Variants in MAPK8 observed in about 807,000 individuals in gnomAD.
MAPK8 encodes JUN N-terminal kinase.
Under a neutral mutation model 52.9 loss-of-function variants are expected in MAPK8, and 13 were observed. The ratio of observed to expected loss-of-function variants is 0.25; its 90% confidence interval spans 0.16 to 0.39. The LOEUF (loss-of-function observed/expected upper bound fraction) is 0.39. Ranked by LOEUF, MAPK8 falls within the 10% of genes least tolerant of loss-of-function variation. MAPK8 has a pLI of 1.00. For synonymous variants in MAPK8, 191 were observed against 169.8 expected (o/e 1.12, Z -0.97); for missense variants, 300 against 519.2 (o/e 0.58, Z 4.10).
chr10:48,335,885 A>G (rs998558538), intron 1 of MAPK8, among the ~76,000 whole-genome samples: 11 of 152,220 alleles, frequency 7.2e-5, no homozygotes, highest in African/African-American at 2.7e-4. Flanking sequence ...ATATTCTATT[A>G]TATTAAAATC....
intron 1 of MAPK8, among the ~76,000 whole-genome samples, chr10:48,367,629 G>T (rs1057331727): frequency 8.6e-5 from 13 of 152,034 alleles, no homozygotes; most frequent in African/African-American, 2.7e-4. Context: ...CACTTATGTT[G>T]AGTTGCTTTA....
intron 1 of MAPK8, among the ~76,000 whole-genome samples, chr10:48,349,509 C>G (rs555308279): frequency 6.6e-6 from 1 of 152,122 alleles, no homozygotes; most frequent in African/African-American, 2.4e-5. Flanking sequence ...ACAACTTGCT[C>G]CTGAATGACT....
intron 6 of MAPK8, 33 bp downstream of exon 6, chr10:48,420,353 T>C: frequency 6.5e-7 from 1 of 1,535,344 alleles, no homozygotes; most frequent in Non-Finnish European, 8.8e-7. Context: ...AATATTTTTC[T>C]GATTTAGCTT....
At chr10:48,312,585 A>G (rs1208643627) in intron 1 of MAPK8, among the ~76,000 whole-genome samples, 1 of 152,186 alleles carries the variant, frequency 6.6e-6, no homozygotes, top group African/African-American at 2.4e-5. Flanking sequence ...AAAAGTCATT[A>G]ATTGGGTAGA....
intron 2 of MAPK8, among the ~76,000 whole-genome samples, chr10:48,404,109 A>G (rs1467106627): frequency 6.7e-6 from 1 of 148,866 alleles, no homozygotes; most frequent in East Asian, 2.0e-4. Context: ...ATTGTGTCCA[A>G]AAGGATAGAA....
intron 1 of MAPK8, 123 bp from the exon 2 acceptor site, chr10:48,401,489 T>G: frequency 1.8e-6 from 1 of 559,278 alleles, no homozygotes; most frequent in Non-Finnish European, 3.1e-6. Flanking sequence ...TGTTTTTTAA[T>G]GAAGCAGCTC....
rs574703788 is a variant in MAPK8 at position 48,377,013 on chromosome 10, T to C, written c.-49-24599T>C. On this transcript the variant is annotated intron_variant, in intron 1 of 11. Transcript: ENST00000374189. ...CTGGATAAAGAGAATGTGGCACATATACATCATGGAATACTCCACAGCCAT... is the reference window on the plus strand; with the variant it reads ...CTGGATAAAGAGAATGTGGCACATACACATCATGGAATACTCCACAGCCAT... Among the ~76,000 whole-genome samples, 5 of 152,322 alleles carry C rather than the reference T, an allele frequency of 3.3e-5. No homozygotes were observed. In the South Asian group the frequency reaches 6.2e-4, roughly 19 times the overall value.
Position 48,435,727 on chromosome 10 carries a change from T to G in MAPK8, c.*698T>G, listed in dbSNP as rs141758313. 2.0e-5 allele frequency: 3 copies of G among 152,342 alleles called. No homozygotes were observed. The highest frequency in any genetic ancestry group is 7.2e-5 in the African/African-American group (3 of 41,576). The allele number at this position is 152,342 out of a possible 1,614,324, so 9.4% of individuals were successfully genotyped here. A position where few individuals can be genotyped will look rare whatever the true frequency, so the allele number is the denominator to read the frequency against. ...AGATGCTGGGCGTCTACCACCACCT[T>G]ATGTCCCCACCCTACCCAACAAAAA... On this transcript the variant is annotated 3_prime_UTR_variant, in exon 12 of 12. Transcript: ENST00000374189.
At chr10:48,417,195 C>T (rs747919818) in intron 5 of MAPK8, among the ~76,000 whole-genome samples, 3 of 152,176 alleles carry the variant, frequency 2.0e-5, no homozygotes, top group Admixed American at 1.3e-4. Context: ...GATCATAGAC[C>T]TTTGGCGTTA....
chr10:48,427,883 A>G (rs572669705), intron 10 of MAPK8, among the ~76,000 whole-genome samples: 8 of 152,134 alleles, frequency 5.3e-5, no homozygotes, highest in African/African-American at 1.7e-4. Context: ...TGAATATGTC[A>G]CACTTTATAT....
At chr10:48,415,379 A>C (rs562907070) in intron 5 of MAPK8, among the ~76,000 whole-genome samples, 5 of 152,324 alleles carry the variant, frequency 3.3e-5, no homozygotes, top group African/African-American at 1.2e-4. Flanking sequence ...TGGACCAGAA[A>C]AACAGACCAA....
intron 5 of MAPK8, among the ~76,000 whole-genome samples, chr10:48,413,838 T>G (rs2042904999): frequency 9.2e-6 from 1 of 108,316 alleles, no homozygotes; most frequent in Non-Finnish European, 1.9e-5. Flanking sequence ...TATATATATA[T>G]ATATATATAT....
chr10:48,340,904 A>G (rs1034288536), intron 1 of MAPK8, among the ~76,000 whole-genome samples: 1 of 152,126 alleles, frequency 6.6e-6, no homozygotes, highest in African/African-American at 2.4e-5. Context: ...AAGTTTCCAT[A>G]CTGTGTTTGG....
intron 2 of MAPK8, among the ~76,000 whole-genome samples, chr10:48,404,047 T>C (rs528122740): frequency 6.6e-6 from 1 of 151,740 alleles, no homozygotes; most frequent in South Asian, 2.1e-4. Context: ...CCTCCCAAAG[T>C]GCTGGGATTA....
At chr10:48,424,429 C>A (rs1254490515) in intron 7 of MAPK8, 4 of 847,788 alleles carry the variant, frequency 4.7e-6, no homozygotes, top group Non-Finnish European at 5.5e-6. Context: ...TTAAAGTATA[C>A]ATGGTGTGTG....
chr10:48,356,899 C>CAAAAAAAA (rs201368039), intron 1 of MAPK8, among the ~76,000 whole-genome samples: 27 of 47,238 alleles, frequency 5.7e-4, no homozygotes, highest in African/African-American at 1.9e-3. Context: ...CGTAGTTTAC[C>CAAAAAAAA]AAAAAAAAAA....
intron 1 of MAPK8, among the ~76,000 whole-genome samples, chr10:48,313,440 A>ACAACAACAACAACAACACCCAGAAATAAT (rs1263531476): frequency 2.0e-5 from 3 of 151,944 alleles, no homozygotes; most frequent in Non-Finnish European, 2.9e-5. Flanking sequence ...GTCTCAAAAA[A>ACAACAACAACAACAACACCCAGAAATAAT]CAACAACAAC....
Position 48,353,784 on chromosome 10 carries a change from G to C in MAPK8, c.-50+46963G>C, listed in dbSNP as rs567966266. 5.6e-4 allele frequency among the ~76,000 whole-genome samples: 86 copies of C among 152,322 alleles called. No homozygotes were observed. In the South Asian group the frequency reaches 0.017, roughly 30 times the overall value. ...TCAGCTCGAAAAGTCACATATGTAT[G>C]ACTGCATTTATAGAACATTCTTGAA... On this transcript the variant is annotated intron_variant, in intron 1 of 11. Coordinates refer to ENST00000374189, the MANE Select transcript of MAPK8 (RefSeq NM_001323329.2).
At chr10:48,326,101 C>T (rs1843496026) in intron 1 of MAPK8, 1 of 152,104 alleles carries the variant, frequency 6.6e-6, no homozygotes, top group African/African-American at 2.4e-5. Flanking sequence ...GAAAGGTGAC[C>T]ATGCACAGCC....
Sources: allele counts gnomAD v4.1 joint callset (sites outside exome capture counted in the v4.1 genomes callset), GRCh38; gene constraint gnomAD v4.1.1; transcripts MANE v1.5; gene names NCBI Gene and HGNC (gene_info 2026-07-23, HGNC 2026-07-21).